NALF1: variants seen among roughly 807,000 people sequenced by gnomAD.
The protein encoded by NALF1 is NALCN channel auxiliary factor 1.
A neutral mutation model predicts 48.4 loss-of-function variants in NALF1; 3 were observed. The observed-to-expected ratio is 0.06, with a 90% CI of 0.03 to 0.16. The LOEUF (loss-of-function observed/expected upper bound fraction) is 0.16. Ranked by LOEUF, NALF1 falls within the 10% of genes least tolerant of loss-of-function variation. The probability of loss-of-function intolerance (pLI) is 1.00; values close to 1 mark genes in which losing one functional copy is unlikely to be tolerated. For missense variants in NALF1, 526 were observed against 571.5 expected (o/e 0.92, Z 0.81); for synonymous variants, 262 against 245.7 (o/e 1.07, Z -0.62).
chr13:107,652,945 G>A (rs1048279932), intron 1 of NALF1, among the ~76,000 whole-genome samples: 6 of 152,062 alleles, frequency 3.9e-5, no homozygotes, highest in Non-Finnish European at 2.9e-5. Flanking sequence ...TTTATCCACA[G>A]TCTCTTCTAT....
chr13:107,825,477 T>C (rs1479360011), intron 1 of NALF1, among the ~76,000 whole-genome samples: 1 of 152,190 alleles, frequency 6.6e-6, no homozygotes, highest in African/African-American at 2.4e-5. Context: ...CTTAATCTGA[T>C]CTCTTGTCTC....
chr13:107,594,870 G>A (rs72654905), intron 1 of NALF1, among the ~76,000 whole-genome samples: 2,842 of 151,730 alleles, frequency 0.019, 39 homozygotes, highest in Non-Finnish European at 0.027. Context: ...ATCTATACAC[G>A]TATATCTGAA....
chr13:107,182,206 T>C (rs1879077404), intron 2 of NALF1, among the ~76,000 whole-genome samples: 1 of 146,540 alleles, frequency 6.8e-6, no homozygotes, highest in Non-Finnish European at 1.5e-5. Context: ...AATATGAGCA[T>C]ATTTATTTAT....
At chr13:107,406,971 C>G (rs1028216263) in intron 1 of NALF1, among the ~76,000 whole-genome samples, 1 of 151,900 alleles carries the variant, frequency 6.6e-6, no homozygotes, top group Non-Finnish European at 1.5e-5. Flanking sequence ...ACACACCTAA[C>G]AGTGAACTCA....
intron 1 of NALF1, among the ~76,000 whole-genome samples, chr13:107,253,606 C>T (rs1331055974): frequency 5.3e-5 from 8 of 152,172 alleles, no homozygotes; most frequent in Non-Finnish European, 2.9e-5. Flanking sequence ...AGGCCTATAA[C>T]AAGCTGGGCT....
chr13:107,207,882 G>T (rs1184503874), intron 2 of NALF1, among the ~76,000 whole-genome samples: 1 of 152,098 alleles, frequency 6.6e-6, no homozygotes, highest in Non-Finnish European at 1.5e-5. Context: ...CAAACCCCTG[G>T]CTTCAAGCAA....
At chr13:107,781,947 A>G (rs568188652) in intron 1 of NALF1, among the ~76,000 whole-genome samples, 2 of 152,294 alleles carry the variant, frequency 1.3e-5, no homozygotes, top group East Asian at 3.9e-4. Flanking sequence ...GTTTTGCATT[A>G]TTGCTTAGTT....
chr13:107,659,360 A>G (rs112811080), intron 1 of NALF1, among the ~76,000 whole-genome samples: 8,591 of 152,052 alleles, frequency 0.057, 812 homozygotes, highest in African/African-American at 0.2. Context: ...AGTGTCTTCT[A>G]TCTTTGTCTT....
chr13:107,325,229 G>A (rs1429771557), intron 1 of NALF1, among the ~76,000 whole-genome samples: 1 of 152,026 alleles, frequency 6.6e-6, no homozygotes, highest in Non-Finnish European at 1.5e-5. Context: ...AATATCATAT[G>A]CATAAAAAAT....
intron 1 of NALF1, among the ~76,000 whole-genome samples, chr13:107,680,998 TTTC>T (rs1242058172): frequency 6.6e-6 from 1 of 151,842 alleles, no homozygotes; most frequent in East Asian, 1.9e-4. Context: ...ATTTTTCAGT[TTTC>T]TGCCTGTTTT....
rs563295638 is a variant in NALF1, at chr13:107,724,573, C to T, written c.915+141109G>A. On this transcript the variant is annotated intron_variant, in intron 1 of 2. Transcript: ENST00000375915. ...CTCCCTCCCTTCCTTTTACTTTGCTCGTTTTTGAGACAGGGTCTCACTCTG... is the reference window on the plus strand; with the variant it reads ...CTCCCTCCCTTCCTTTTACTTTGCTTGTTTTTGAGACAGGGTCTCACTCTG... Among the ~76,000 whole-genome samples the T allele has an allele frequency of 4.5e-4, 62 of 136,670 alleles. 1 individual carries two copies. Among genetic ancestry groups the T allele is most frequent in the African/African-American group, 1.6e-3 (60 of 37,968 alleles). The allele number at this position is 136,670 out of a possible 152,430, so 89.7% of individuals were successfully genotyped here.
At chr13:107,800,684 T>C (rs1037075457) in intron 1 of NALF1, among the ~76,000 whole-genome samples, 3 of 145,532 alleles carry the variant, frequency 2.1e-5, no homozygotes, top group Non-Finnish European at 4.5e-5. Context: ...ATTTTATTGG[T>C]AATAAAATAT....
At chr13:107,486,224 T>C (rs145873342) in intron 1 of NALF1, among the ~76,000 whole-genome samples, 53 of 152,308 alleles carry the variant, frequency 3.5e-4, no homozygotes, top group African/African-American at 1.2e-3. Flanking sequence ...AGGATATTCA[T>C]CTGTCCTTAC....
intron 1 of NALF1, among the ~76,000 whole-genome samples, chr13:107,840,826 T>C (rs1880025463): frequency 6.6e-6 from 1 of 152,124 alleles, no homozygotes. Context: ...CTCTGGGTTT[T>C]TGTTCTCGGT....
intron 1 of NALF1, among the ~76,000 whole-genome samples, chr13:107,628,286 C>T (rs375105579): frequency 3.3e-5 from 5 of 152,264 alleles, no homozygotes; most frequent in South Asian, 2.1e-4. Flanking sequence ...TTCCGACTGC[C>T]TCACTTTGCA....
At chr13:107,675,259 GT>G (rs1286046544) in intron 1 of NALF1, among the ~76,000 whole-genome samples, 2 of 152,150 alleles carry the variant, frequency 1.3e-5, no homozygotes, top group Non-Finnish European at 1.5e-5. Flanking sequence ...TTATCAGCAG[GT>G]TTGAGCTTGC....
intron 1 of NALF1, among the ~76,000 whole-genome samples, chr13:107,222,592 G>A (rs1880017722): frequency 6.6e-6 from 1 of 152,204 alleles, no homozygotes; most frequent in Admixed American, 6.5e-5. Flanking sequence ...CCCGACTGAA[G>A]TTAAACAGCG....
At chr13:107,371,218 G>A (rs1214378307) in intron 1 of NALF1, among the ~76,000 whole-genome samples, 6 of 152,282 alleles carry the variant, frequency 3.9e-5, no homozygotes, top group South Asian at 2.1e-4. Context: ...AAGCCAAGGA[G>A]AGAGAATCGC....
chr13:107,265,608 G>T (rs952992427), intron 1 of NALF1, among the ~76,000 whole-genome samples: 4 of 151,906 alleles, frequency 2.6e-5, no homozygotes, highest in Admixed American at 6.6e-5. Flanking sequence ...GTTTCACTAT[G>T]TTGGCCAAGC....
Sources: gnomAD v4.1 joint callset for allele counts (sites outside exome capture counted in the v4.1 genomes callset) on GRCh38, gnomAD v4.1.1 for gene constraint, MANE v1.5 for transcripts, NCBI Gene and HGNC (gene_info 2026-07-23, HGNC 2026-07-21) for gene names.